Variants in DPY19L2 observed in about 807,000 individuals in gnomAD.
DPY19L2 encodes dpy-19 like 2.
Under a neutral mutation model 97.9 loss-of-function variants are expected in DPY19L2, and 34 were observed. That is an observed-to-expected ratio of 0.35 (90% CI 0.26 to 0.46). The LOEUF is 0.46. Ranked by LOEUF, DPY19L2 falls within the 20% of genes least tolerant of loss-of-function variation. The pLI, the probability that DPY19L2 is intolerant of heterozygous loss-of-function variation, is 1.00. For missense variants in DPY19L2, 623 were observed against 911.4 expected (o/e 0.68, Z 4.07); for synonymous variants, 230 against 307.9 (o/e 0.75, Z 2.65).
chr12:63,592,298 C>T (rs1883231009), intron 16 of DPY19L2, among the ~76,000 whole-genome samples: 2 of 151,150 alleles, frequency 1.3e-5, no homozygotes, highest in Non-Finnish European at 3.0e-5. Flanking sequence ...CTTTCAAGTT[C>T]ATATGGAACC....
chr12:63,620,696 G>A (rs569574277), intron 9 of DPY19L2, among the ~76,000 whole-genome samples: 97 of 152,092 alleles, frequency 6.4e-4, no homozygotes, highest in Non-Finnish European at 1.0e-3. Flanking sequence ...TACATCTTGC[G>A]TTCAACTTAA....
intron 6 of DPY19L2, among the ~76,000 whole-genome samples, chr12:63,636,841 C>A (rs1891801977): frequency 6.6e-6 from 1 of 152,092 alleles, no homozygotes; most frequent in South Asian, 2.1e-4. Flanking sequence ...TAATGGGAGA[C>A]TTTAACACCA....
At chr12:63,611,930 C>G (rs948925317) in intron 11 of DPY19L2, among the ~76,000 whole-genome samples, 7 of 151,758 alleles carry the variant, frequency 4.6e-5, no homozygotes, top group Non-Finnish European at 7.4e-5. Context: ...TTCAATTAAT[C>G]CTAAATACAA....
intron 21 of DPY19L2, among the ~76,000 whole-genome samples, chr12:63,565,401 T>C (rs1443923375): frequency 1.3e-5 from 2 of 152,154 alleles, no homozygotes; most frequent in African/African-American, 4.8e-5. Context: ...CCTCCTTCCT[T>C]GGCTTGTGGC....
At chr12:63,607,020 C>G (rs1344345542) in intron 12 of DPY19L2, among the ~76,000 whole-genome samples, 1 of 152,084 alleles carries the variant, frequency 6.6e-6, no homozygotes, top group African/African-American at 2.4e-5. Context: ...GAGCAAAAAA[C>G]AGAAAATAAT....
chr12:63,634,023 T>G (rs1891189159), intron 6 of DPY19L2, among the ~76,000 whole-genome samples: 1 of 145,538 alleles, frequency 6.9e-6, no homozygotes. Context: ...TGAGAACACA[T>G]GGACACAGGA....
intron 6 of DPY19L2, among the ~76,000 whole-genome samples, chr12:63,634,771 C>T (rs528175737): frequency 2.6e-5 from 4 of 152,268 alleles, no homozygotes; most frequent in East Asian, 3.9e-4. Flanking sequence ...AGTAGGTAAA[C>T]AAAGCAGCCA....
chr12:63,644,314 T>A (rs572443155), intron 6 of DPY19L2, 89 bp downstream of exon 6: 141 of 1,495,316 alleles, frequency 9.4e-5, no homozygotes, highest in Admixed American at 2.9e-4. Context: ...GAATCTAATC[T>A]CATTAATTTT....
intron 7 of DPY19L2, among the ~76,000 whole-genome samples, chr12:63,624,937 G>A (rs1889281484): frequency 2.0e-5 from 3 of 152,140 alleles, no homozygotes; most frequent in Admixed American, 2.0e-4. Context: ...ACCAACAGTT[G>A]TCTGGAACAC....
chr12:63,639,628 C>A (rs992269034), intron 6 of DPY19L2, among the ~76,000 whole-genome samples: 130 of 152,168 alleles, frequency 8.5e-4, no homozygotes, highest in Middle Eastern at 3.4e-3. Flanking sequence ...CATCAGAGAA[C>A]TGCAAATCAA....
intron 21 of DPY19L2, among the ~76,000 whole-genome samples, chr12:63,563,995 C>T (rs1212205067): frequency 2.6e-5 from 4 of 152,062 alleles, no homozygotes; most frequent in Non-Finnish European, 5.9e-5. Context: ...TTTCAAGGAA[C>T]TTGTCCATTT....
intron 11 of DPY19L2, among the ~76,000 whole-genome samples, chr12:63,615,040 CCACGAGTGT>C (rs1887625454): frequency 6.6e-6 from 1 of 152,104 alleles, no homozygotes; most frequent in Admixed American, 6.5e-5. Context: ...TGCTATCAGA[CCACGAGTGT>C]CATGTCAGAG....
intron 6 of DPY19L2, among the ~76,000 whole-genome samples, chr12:63,638,575 G>C (rs989191163): frequency 1.3e-5 from 2 of 152,082 alleles, no homozygotes; most frequent in South Asian, 4.1e-4. Context: ...TAGACAAACA[G>C]AGAGCCAAAT....
At chr12:63,590,827 G>A (rs145478777) in intron 16 of DPY19L2, among the ~76,000 whole-genome samples, 4,478 of 151,920 alleles carry the variant, frequency 0.029, 100 homozygotes, top group Middle Eastern at 0.082. Flanking sequence ...TATTATTTTT[G>A]AGATTTAACC....
In DPY19L2 at chr12:63,580,799, T is replaced by C; in HGVS notation, c.1763A>G (p.Lys588Arg). The change falls in exon 19 of 22, where the codon AAG (lysine) becomes AGG (arginine). Residue 588 changes from lysine (K) to arginine (R), a missense_variant. By Grantham distance (26) the Lys-to-Arg change is conservative. This residue lies in a region of DPY19L2 where 294 missense variants were observed against 446.2 expected (regional missense o/e 0.66). Transcript: ENST00000324472. ...GWLFRRVRFE[K>R]VIFGILTVMS... is the part of the protein sequence containing the mutation. ...CACTGTTAAAATGCCAAAGATAACC[T>C]TCTCAAAACGAACTCTGCGAAAAAG... The C allele has an allele frequency of 6.2e-7, 1 of 1,612,730 alleles. No individual in the cohort carries two copies. Among genetic ancestry groups the C allele is most frequent in the Non-Finnish European group, 8.5e-7 (1 of 1,179,496 alleles).
intron 12 of DPY19L2, among the ~76,000 whole-genome samples, chr12:63,607,355 G>A (rs1464639957): frequency 6.6e-6 from 1 of 152,118 alleles, no homozygotes; most frequent in Non-Finnish European, 1.5e-5. Context: ...TATTACAAGT[G>A]TAATGTCGAT....
At chr12:63,619,474 C>G (rs1396481839) in intron 9 of DPY19L2, among the ~76,000 whole-genome samples, 1 of 151,854 alleles carries the variant, frequency 6.6e-6, no homozygotes, top group African/African-American at 2.4e-5. Context: ...TAGTATATAT[C>G]CAGAGAATGA....
rs1170977304 is a variant in DPY19L2 at position 63,591,978 on chromosome 12, G to GGGGAA, written c.1580+2104_1580+2108dup. On this transcript the variant is annotated intron_variant, in intron 16 of 21. Coordinates refer to ENST00000324472, the MANE Select transcript of DPY19L2 (RefSeq NM_173812.5). ...AAAGAAAAGAAAAGAAAAGAAAAGA[G>GGGGAA]GGGAAGGGAAGGGAAGGGAGGGGAA... Among the ~76,000 whole-genome samples, 40 of 69,940 alleles carry GGGGAA rather than the reference G, an allele frequency of 5.7e-4. No homozygotes were observed. The East Asian group carries it at 0.013, about 22-fold the overall frequency. The allele number at this position is 69,940 out of a possible 152,430, so 45.9% of individuals were successfully genotyped here. A position where few individuals can be genotyped will look rare whatever the true frequency, so the allele number is the denominator to read the frequency against.
intron 1 of DPY19L2, among the ~76,000 whole-genome samples, chr12:63,666,235 TTC>T (rs1896324042): frequency 6.6e-6 from 1 of 152,080 alleles, no homozygotes. Flanking sequence ...CTTCAGGTAG[TTC>T]TAACCAAGAC....
Sources: gnomAD v4.1 joint callset for allele counts (sites outside exome capture counted in the v4.1 genomes callset) on GRCh38, gnomAD v4.1.1 for gene constraint, gnomAD v4.1.1 regional missense constraint, MANE v1.5 for transcripts, NCBI Gene and HGNC (gene_info 2026-07-23, HGNC 2026-07-21) for gene names.